Variants in BCL7A observed in about 807,000 individuals in gnomAD.
The protein encoded by BCL7A is BAF chromatin remodeling complex subunit BCL7A.
A neutral mutation model predicts 28.4 loss-of-function variants in BCL7A; 11 were observed. The observed-to-expected ratio is 0.39, with a 90% CI of 0.24 to 0.64. The LOEUF (loss-of-function observed/expected upper bound fraction) is 0.64. Among genes scored for constraint, BCL7A ranks in the 30% least tolerant of loss-of-function variants. The pLI, the probability that BCL7A is intolerant of heterozygous loss-of-function variation, is 0.50. For synonymous variants in BCL7A, 123 were observed against 103.3 expected (o/e 1.19, Z -1.15); for missense variants, 222 against 274.8 (o/e 0.81, Z 1.36).
chr12:122,024,048 A>G (rs1883549956), intron 1 of BCL7A, among the ~76,000 whole-genome samples: 1 of 152,120 alleles, frequency 6.6e-6, no homozygotes, highest in East Asian at 2.0e-4. Context: ...GGGAGGGCAG[A>G]TGGAGAGATG....
At chr12:122,057,450 T>G (rs1021926708) in intron 5 of BCL7A, among the ~76,000 whole-genome samples, 1 of 152,056 alleles carries the variant, frequency 6.6e-6, no homozygotes, top group Admixed American at 6.6e-5. Context: ...TAAGTTGTGG[T>G]TTCTATTGGA....
At chr12:122,034,285 G>C (rs1236556771) in intron 2 of BCL7A, among the ~76,000 whole-genome samples, 1 of 142,634 alleles carries the variant, frequency 7.0e-6, no homozygotes, top group Non-Finnish European at 1.5e-5. Context: ...GTATTCTGCA[G>C]ATCACCCCAT....
In BCL7A at chr12:122,056,371, C is replaced by T. The variant is rs186942482; in HGVS notation, c.561+1445C>T. Reference sequence around the variant, plus strand: ...CCCCACTACCCCACACTCTTGCTTCCAGGAGACCCAGACCTAAAATTGGGC... The same window carrying T: ...CCCCACTACCCCACACTCTTGCTTCTAGGAGACCCAGACCTAAAATTGGGC... On this transcript the variant is annotated intron_variant, in intron 5 of 5. Transcript: ENST00000261822. Among the ~76,000 whole-genome samples the T allele has an allele frequency of 4.6e-5, 7 of 152,204 alleles. No individual in the cohort carries two copies. In the East Asian group the frequency reaches 1.4e-3, roughly 29 times the overall value.
chr12:122,039,484 T>C (rs1883924280), intron 3 of BCL7A, among the ~76,000 whole-genome samples: 1 of 70,230 alleles, frequency 1.4e-5, no homozygotes, highest in Non-Finnish European at 2.7e-5. Flanking sequence ...AGACCCCATC[T>C]CTTAAATATA....
chr12:122,027,977 C>T (rs1028356447), intron 1 of BCL7A, among the ~76,000 whole-genome samples: 7 of 152,184 alleles, frequency 4.6e-5, no homozygotes, highest in Admixed American at 6.5e-5. Flanking sequence ...TGGGAAACCT[C>T]AGCTGCTCCG....
At chr12:122,039,848 TA>T (rs879894771) in intron 3 of BCL7A, among the ~76,000 whole-genome samples, 59 of 145,038 alleles carry the variant, frequency 4.1e-4, no homozygotes, top group African/African-American at 4.5e-4. Context: ...CAAGACTCCA[TA>T]AAAAAAAAAA....
At chr12:122,047,525 G>A (rs1461690017) in intron 4 of BCL7A, among the ~76,000 whole-genome samples, 2 of 143,422 alleles carry the variant, frequency 1.4e-5, no homozygotes, top group Admixed American at 7.0e-5. Flanking sequence ...ATCCGTCTCA[G>A]AAAAAAAAAA....
chr12:122,023,934 T>C (rs2135835372), intron 1 of BCL7A, among the ~76,000 whole-genome samples: 1 of 152,268 alleles, frequency 6.6e-6, no homozygotes, highest in East Asian at 1.9e-4. Flanking sequence ...GCCGCCTTTC[T>C]CTGCTCGAGG....
chr12:122,044,543 C>T (rs1253257769), intron 4 of BCL7A, among the ~76,000 whole-genome samples: 1 of 151,470 alleles, frequency 6.6e-6, no homozygotes, highest in Non-Finnish European at 1.5e-5. Flanking sequence ...AAACAATTGG[C>T]CAGGCATGGT....
chr12:122,021,989 TGCGCGAGTGAGTGAGCGGCGGGCGG>T lies in BCL7A; in HGVS notation c.-93_-69del. 3.5e-6 allele frequency: 3 copies of T among 862,464 alleles called. No homozygotes were observed. The highest frequency in any genetic ancestry group is 1.7e-5 in the African/African-American group (1 of 57,492). 53.4% of individuals were successfully genotyped at this position (862,464 alleles called of 1,614,324 possible). ...GTGCGTGTGAGAGTGCGAGTGTCTG[TGCGCGAGTGAGTGAGCGGCGGGCGG>T]GCGCGAGTGTGGCCGCCGCGGAGCG... On this transcript the variant is annotated 5_prime_UTR_variant, in exon 1 of 6. Transcript: ENST00000261822.
chr12:122,027,844 T>TA (rs537412978), intron 1 of BCL7A, among the ~76,000 whole-genome samples: 5 of 151,430 alleles, frequency 3.3e-5, no homozygotes, highest in East Asian at 1.9e-4. Context: ...CTCAAAAAAA[T>TA]AAAAAAAATA....
intron 2 of BCL7A, 65 bp downstream of exon 2, chr12:122,030,846 G>A (rs980402773): frequency 5.9e-6 from 9 of 1,521,982 alleles, no homozygotes; most frequent in Non-Finnish European, 8.2e-6. Flanking sequence ...CCATGGGGAG[G>A]GAGATTGTCC....
At chr12:122,039,144 A>T (rs1379746568) in intron 3 of BCL7A, among the ~76,000 whole-genome samples, 11 of 151,768 alleles carry the variant, frequency 7.2e-5, no homozygotes, top group Non-Finnish European at 1.5e-4. Flanking sequence ...AAAATACAAA[A>T]AAATTAGCCA....
chr12:122,022,025 G>T lies in BCL7A; in HGVS notation c.-67G>T. 7.0e-7 allele frequency: 1 copy of T among 1,430,290 alleles called. No individual in the cohort carries two copies. Among genetic ancestry groups the T allele is most frequent in the Non-Finnish European group, 9.4e-7 (1 of 1,061,460 alleles). The allele number at this position is 1,430,290 out of a possible 1,614,324, so 88.6% of individuals were successfully genotyped here. A position where few individuals can be genotyped will look rare whatever the true frequency, so the allele number is the denominator to read the frequency against. On this transcript the variant is annotated 5_prime_UTR_variant, in exon 1 of 6. Transcript: ENST00000261822. ...GTGAGCGGCGGGCGGGCGCGAGTGT[G>T]GCCGCCGCGGAGCGCGAGCAGGACC... is the stretch of plus-strand genomic sequence containing the variant.
chr12:122,056,681 C>G (rs1330932669), intron 5 of BCL7A, among the ~76,000 whole-genome samples: 1 of 152,094 alleles, frequency 6.6e-6, no homozygotes, highest in African/African-American at 2.4e-5. Context: ...TGGTGCGCTC[C>G]TATAGTCCCA....
intron 4 of BCL7A, among the ~76,000 whole-genome samples, chr12:122,047,193 C>T (rs988572428): frequency 2.6e-5 from 4 of 151,842 alleles, no homozygotes; most frequent in African/African-American, 4.8e-5. Context: ...TGAACCACCA[C>T]GCCTGGACTA....
At chr12:122,035,200 C>T in intron 2 of BCL7A, 131 bp from the exon 3 acceptor site, 1 of 764,256 alleles carries the variant, frequency 1.3e-6, no homozygotes, top group South Asian at 1.8e-5. Flanking sequence ...CCCAGGAAAA[C>T]CTCCAGAGGC....
chr12:122,047,715 G>A (rs995337070), intron 4 of BCL7A, among the ~76,000 whole-genome samples: 1 of 151,694 alleles, frequency 6.6e-6, no homozygotes, highest in African/African-American at 2.4e-5. Flanking sequence ...TTGTACAGAC[G>A]GGGTGTTGCT....
In BCL7A at chr12:122,029,824, G is replaced by A. The variant is rs1883703786; in HGVS notation, c.93-876G>A. ...GACAAGTCGGAGTGCAGGGGGTCAA[G>A]GACAGGAGGTGGCTGGCTGTAGCAA... is the stretch of plus-strand genomic sequence containing the variant. On this transcript the variant is annotated intron_variant, in intron 1 of 5. Coordinates refer to ENST00000261822, the MANE Select transcript of BCL7A (RefSeq NM_001024808.3). This position sits in a 1 kb window ranked among gnomAD's most constrained non-coding sequence, Gnocchi z 4.3. Among the ~76,000 whole-genome samples the A allele has an allele frequency of 6.6e-6, 1 of 152,154 alleles. No individual in the cohort carries two copies. Among genetic ancestry groups the A allele is most frequent in the Admixed American group, 6.5e-5 (1 of 15,274 alleles).
Sources: gnomAD v4.1 joint callset for allele counts (sites outside exome capture counted in the v4.1 genomes callset) on GRCh38, gnomAD v4.1.1 for gene constraint, Gnocchi (gnomAD v3.1) non-coding constraint, MANE v1.5 for transcripts, NCBI Gene and HGNC (gene_info 2026-07-23, HGNC 2026-07-21) for gene names.